Variants in FTO observed in about 807,000 individuals in gnomAD.
The protein encoded by FTO is FTO alpha-ketoglutarate dependent dioxygenase, also known as alpha-ketoglutarate-dependent dioxygenase FTO.
A neutral mutation model predicts 63.9 loss-of-function variants in FTO; 47 were observed. The ratio of observed to expected loss-of-function variants is 0.74; its 90% CI spans 0.58 to 0.94. FTO has a LOEUF of 0.94. FTO is among the 40% of genes least tolerant of loss of function. The pLI is 0.00. For synonymous variants in FTO, 207 were observed against 224.4 expected (o/e 0.92, Z 0.69); for missense variants, 562 against 618.1 (o/e 0.91, Z 0.96).
intron 7 of FTO, among the ~76,000 whole-genome samples, chr16:53,893,049 G>T (rs1000101262): frequency 6.6e-6 from 1 of 152,038 alleles, no homozygotes; most frequent in Admixed American, 6.6e-5. Flanking sequence ...TCTCCCAGCG[G>T]ATAGTTTTAC....
At chr16:53,983,306 T>C (rs2083589731) in intron 8 of FTO, among the ~76,000 whole-genome samples, 1 of 152,060 alleles carries the variant, frequency 6.6e-6, no homozygotes, top group African/African-American at 2.4e-5. Flanking sequence ...GTAGAGTTCA[T>C]TTTTATAGTT....
intron 8 of FTO, among the ~76,000 whole-genome samples, chr16:54,051,168 TCTC>T (rs1457988522): frequency 6.6e-6 from 1 of 152,108 alleles, no homozygotes; most frequent in Non-Finnish European, 1.5e-5. Flanking sequence ...TACTGCCATT[TCTC>T]CTCCTTCAAG....
chr16:53,880,390 G>A (rs67386617), intron 6 of FTO, among the ~76,000 whole-genome samples: 54,548 of 152,038 alleles, frequency 0.36, 11,211 homozygotes, highest in East Asian at 0.7. Flanking sequence ...TAAGACGTGA[G>A]ACTCTTAGGT....
chr16:54,051,526 T>C (rs2085312035), intron 8 of FTO, among the ~76,000 whole-genome samples: 1 of 152,080 alleles, frequency 6.6e-6, no homozygotes, highest in East Asian at 1.9e-4. Context: ...AGGTGATAGG[T>C]AGTCTTCAAA....
At chr16:54,007,401 C>T (rs550336511) in intron 8 of FTO, among the ~76,000 whole-genome samples, 1 of 152,228 alleles carries the variant, frequency 6.6e-6, no homozygotes, top group African/African-American at 2.4e-5. Flanking sequence ...GAGTTCAGAG[C>T]CCACTCTGCC....
At chr16:53,861,780 G>A (rs2080180258) in intron 4 of FTO, among the ~76,000 whole-genome samples, 1 of 152,086 alleles carries the variant, frequency 6.6e-6, no homozygotes. Flanking sequence ...ATTCTTGATT[G>A]TTCTCTTGGT....
intron 1 of FTO, among the ~76,000 whole-genome samples, chr16:53,730,786 C>A (rs758765079): frequency 6.6e-6 from 1 of 152,078 alleles, no homozygotes; most frequent in Non-Finnish European, 1.5e-5. Context: ...CATGAGCCAC[C>A]GAGCCCAGCC....
At chr16:53,950,174 A>AAAAAAAAAAAAAAAAAAAAAAAAAAAC (rs2082753447) in intron 8 of FTO, among the ~76,000 whole-genome samples, 1 of 133,284 alleles carries the variant, frequency 7.5e-6, no homozygotes, top group Non-Finnish European at 1.7e-5. Context: ...AAAAAAAAAA[A>AAAAAAAAAAAAAAAAAAAAAAAAAAAC]AAAAACTTAA....
rs557743921 is a variant in FTO, at chr16:54,020,419, G to A, written c.1364+86310G>A. On this transcript the variant is annotated intron_variant, in intron 8 of 8. Transcript: ENST00000471389. ...GCTGGAGACAAAAAGAAAAACAGAA[G>A]CACCTACTGTACTTGTGCACTTTCT... Among the ~76,000 whole-genome samples the A allele has an allele frequency of 3.4e-4, 51 of 152,236 alleles. 1 individual carries two copies. In the South Asian group the frequency reaches 0.011, roughly 32 times the overall value.
chr16:53,793,416 A>T (rs1373358852), intron 1 of FTO, among the ~76,000 whole-genome samples: 1 of 152,242 alleles, frequency 6.6e-6, no homozygotes, highest in Non-Finnish European at 1.5e-5. Context: ...TATTCAAATT[A>T]TCTGAAGAAC....
chr16:53,950,603 G>A (rs1043314086), intron 8 of FTO, among the ~76,000 whole-genome samples: 3 of 152,102 alleles, frequency 2.0e-5, no homozygotes, highest in South Asian at 2.1e-4. Context: ...GTTCTTAAGC[G>A]CAAAGGGCTG....
chr16:53,978,870 G>A (rs1384262914), intron 8 of FTO, among the ~76,000 whole-genome samples: 1 of 151,826 alleles, frequency 6.6e-6, no homozygotes, highest in Non-Finnish European at 1.5e-5. Context: ...GGTGGCACAC[G>A]TGCCTGTAAT....
intron 7 of FTO, among the ~76,000 whole-genome samples, chr16:53,931,174 AG>A (rs1278856590): frequency 1.4e-5 from 2 of 147,882 alleles, no homozygotes; most frequent in Non-Finnish European, 2.9e-5. Flanking sequence ...ATAGATTCAC[AG>A]GGGGGAAAAA....
At chr16:53,751,655 G>T (rs533400179) in intron 1 of FTO, among the ~76,000 whole-genome samples, 1 of 152,300 alleles carries the variant, frequency 6.6e-6, no homozygotes, top group East Asian at 1.9e-4. Flanking sequence ...TGAGAATCAG[G>T]AGTGAGGGCT....
At chr16:53,979,858 T>C (rs963606768) in intron 8 of FTO, among the ~76,000 whole-genome samples, 8 of 152,210 alleles carry the variant, frequency 5.3e-5, no homozygotes, top group Non-Finnish European at 1.2e-4. Flanking sequence ...TTGAAGCTCC[T>C]TGGGTGCTTG....
At chr16:53,983,505 T>C (rs750696277) in intron 8 of FTO, among the ~76,000 whole-genome samples, 1 of 152,124 alleles carries the variant, frequency 6.6e-6, no homozygotes, top group South Asian at 2.1e-4. Context: ...TGGGTGACTG[T>C]TGGAATTGCT....
In FTO at chr16:53,763,475, A is replaced by G. The variant is rs576346460; in HGVS notation, c.46-46665A>G. Among the ~76,000 whole-genome samples the G allele has an allele frequency of 5.3e-5, 8 of 152,296 alleles. No homozygotes were observed. The East Asian group carries it at 7.7e-4, about 15-fold the overall frequency. Reference sequence around the variant, plus strand: ...TGTGGAAGAAAGAATCAAATTATGTATTAATAAGGAGGCTCAGATTGACCA... The same window carrying G: ...TGTGGAAGAAAGAATCAAATTATGTGTTAATAAGGAGGCTCAGATTGACCA... On this transcript the variant is annotated intron_variant, in intron 1 of 8. Coordinates refer to ENST00000471389, the MANE Select transcript of FTO (RefSeq NM_001080432.3).
intron 3 of FTO, among the ~76,000 whole-genome samples, chr16:53,835,281 C>G (rs1226138523): frequency 6.6e-6 from 1 of 152,120 alleles, no homozygotes; most frequent in Non-Finnish European, 1.5e-5. Flanking sequence ...CAGCGGATTC[C>G]TTTACTTCTC....
At chr16:54,002,099 C>A (rs1157987362) in intron 8 of FTO, among the ~76,000 whole-genome samples, 2 of 152,184 alleles carry the variant, frequency 1.3e-5, no homozygotes, top group African/African-American at 4.8e-5. Flanking sequence ...TCCAGCAGTC[C>A]TTTTATCTGT....
Sources: allele counts gnomAD v4.1 joint callset (sites outside exome capture counted in the v4.1 genomes callset), GRCh38; gene constraint gnomAD v4.1.1; transcripts MANE v1.5; gene names NCBI Gene and HGNC (gene_info 2026-07-23, HGNC 2026-07-21).